The following MICAL3 variants were observed in gnomAD, a reference collection of about 807,000 sequenced individuals.
The protein encoded by MICAL3 is microtubule associated monooxygenase, calponin and LIM domain containing 3.
MICAL3 carries 62 observed loss-of-function variants against 207.4 expected under a neutral mutation model. The observed-to-expected ratio is 0.30, with a 90% CI of 0.24 to 0.37. The LOEUF (loss-of-function observed/expected upper bound fraction) is 0.37. Ranked by LOEUF, MICAL3 falls within the 10% of genes least tolerant of loss-of-function variation. MICAL3 has a pLI of 1.00. For missense variants in MICAL3, 2,368 were observed against 2,635.6 expected (o/e 0.90, Z 2.22); for synonymous variants, 1,077 against 1,069.3 (o/e 1.01, Z -0.14).
At chr22:17,954,924 A>G (rs963705758) in intron 1 of MICAL3, among the ~76,000 whole-genome samples, 2 of 151,956 alleles carry the variant, frequency 1.3e-5, no homozygotes, top group African/African-American at 4.8e-5. Flanking sequence ...CTGTTTCACC[A>G]TGTTGGCTAG....
chr22:17,883,549 G>C (rs1364510433), intron 16 of MICAL3, among the ~76,000 whole-genome samples: 2 of 152,190 alleles, frequency 1.3e-5, no homozygotes, highest in Non-Finnish European at 2.9e-5. Context: ...CAACGAGGTA[G>C]CCAACCCTGG....
At chr22:17,970,639 C>T (rs1256396172) in intron 1 of MICAL3, among the ~76,000 whole-genome samples, 3 of 152,212 alleles carry the variant, frequency 2.0e-5, no homozygotes, top group Admixed American at 2.0e-4. Flanking sequence ...TTCCTATGTT[C>T]CCTCCTCTAA....
At chr22:17,813,927 T>C (rs913106549) in intron 27 of MICAL3, 4 of 152,268 alleles carry the variant, frequency 2.6e-5, no homozygotes, top group African/African-American at 9.6e-5. Flanking sequence ...GCAAGTTCTC[T>C]CTTGTAGGTC....
intron 20 of MICAL3, among the ~76,000 whole-genome samples, chr22:17,836,906 A>G (rs1923448648): frequency 6.6e-6 from 1 of 151,948 alleles, no homozygotes; most frequent in South Asian, 2.1e-4. Flanking sequence ...CGGCCTCCAA[A>G]AGTGCTGGGA....
intron 19 of MICAL3, among the ~76,000 whole-genome samples, chr22:17,856,771 GCCA>G (rs924372556): frequency 1.3e-5 from 2 of 151,902 alleles, no homozygotes; most frequent in Non-Finnish European, 2.9e-5. Context: ...ACAGGCGCCC[GCCA>G]CCGCGCCCAG....
intron 1 of MICAL3, among the ~76,000 whole-genome samples, chr22:17,979,487 G>A (rs1228366820): frequency 6.6e-6 from 1 of 152,234 alleles, no homozygotes; most frequent in African/African-American, 2.4e-5. Flanking sequence ...GAGGGTTGCA[G>A]TGAGCCAAGA....
chr22:17,956,003 T>C (rs1283490222), intron 1 of MICAL3, among the ~76,000 whole-genome samples: 2 of 152,238 alleles, frequency 1.3e-5, no homozygotes, highest in Non-Finnish European at 2.9e-5. Context: ...TATGAATGTT[T>C]ATGAGCACAA....
At chr22:17,876,763 TTA>T (rs1209693754) in intron 16 of MICAL3, 2 of 142,670 alleles carry the variant, frequency 1.4e-5, no homozygotes, top group African/African-American at 5.6e-5. Context: ...GTTAAGGAGG[TTA>T]GGGAAGTTAT....
chr22:18,012,033 A>G (rs1211427176), intron 1 of MICAL3, among the ~76,000 whole-genome samples: 1 of 151,992 alleles, frequency 6.6e-6, no homozygotes, highest in South Asian at 2.1e-4. Flanking sequence ...TCAGGAGTTC[A>G]AGACCAGCCT....
At chr22:17,880,916 G>T (rs1457406604) in intron 16 of MICAL3, among the ~76,000 whole-genome samples, 2 of 152,200 alleles carry the variant, frequency 1.3e-5, no homozygotes, top group African/African-American at 4.8e-5. Context: ...CAGGGCTCCT[G>T]GGCCTCGGAT....
intron 16 of MICAL3, among the ~76,000 whole-genome samples, chr22:17,878,258 G>A (rs1929072360): frequency 6.6e-6 from 1 of 152,210 alleles, no homozygotes. Flanking sequence ...AGTGAAAAGG[G>A]CTGCTTTCCT....
Position 17,865,935 on chromosome 22 carries a change from G to A in MICAL3, c.2506C>T (p.Leu836=). ...AQRKRPAVAP[L]SGKEAKGPLQ... ...AGAGTCACCATTACCTTTCCAGACA[G>A]GGGAGCCACTGCCGGTCTCTTCCTT... Residue 836 remains leucine, a synonymous_variant, in exon 18 of 32, where the codon CTG becomes TTG. Transcript: ENST00000441493. 6.2e-7 allele frequency: 1 copy of A among 1,613,238 alleles called. No homozygotes were observed. Among genetic ancestry groups the A allele is most frequent in the Non-Finnish European group, 8.5e-7 (1 of 1,179,140 alleles).
intron 22 of MICAL3, among the ~76,000 whole-genome samples, chr22:17,826,268 A>AG (rs1159690852): frequency 1.5e-5 from 2 of 135,764 alleles, no homozygotes. Context: ...GCTGCCCTGA[A>AG]GGGGGGGTGT....
At chr22:17,896,225 C>T in intron 9 of MICAL3, 21 bp downstream of exon 9, 1 of 1,439,276 alleles carries the variant, frequency 6.9e-7, no homozygotes, top group African/African-American at 1.4e-5. Flanking sequence ...ATGAAAGGAA[C>T]CCCGGGTTAC....
intron 1 of MICAL3, among the ~76,000 whole-genome samples, chr22:17,907,620 C>T (rs776366775): frequency 1.3e-5 from 2 of 151,988 alleles, no homozygotes; most frequent in African/African-American, 2.4e-5. Context: ...AGGAAGATCA[C>T]GAAAGGAGAG....
At chr22:17,975,106 C>A (rs1206595899) in intron 1 of MICAL3, among the ~76,000 whole-genome samples, 1 of 149,006 alleles carries the variant, frequency 6.7e-6, no homozygotes, top group Non-Finnish European at 1.5e-5. Context: ...AGACTGACTT[C>A]TTTGAAAGAA....
intron 1 of MICAL3, among the ~76,000 whole-genome samples, chr22:18,015,040 G>A (rs1923968039): frequency 6.6e-6 from 1 of 151,904 alleles, no homozygotes; most frequent in East Asian, 1.9e-4. Context: ...TGCTTTTTCA[G>A]AGATAAATTC....
intron 23 of MICAL3, 138 bp from the exon 24 acceptor site, chr22:17,822,308 G>C: frequency 8.8e-7 from 1 of 1,136,904 alleles, no homozygotes; most frequent in South Asian, 1.6e-5. Flanking sequence ...CTTACGCAGG[G>C]ACAGACCTGC....
At chr22:17,923,870 C>T (rs1307291830) in intron 1 of MICAL3, among the ~76,000 whole-genome samples, 1 of 152,242 alleles carries the variant, frequency 6.6e-6, no homozygotes, top group Non-Finnish European at 1.5e-5. Context: ...AAAGACATAT[C>T]TGAGACTGGG....
Sources: allele counts gnomAD v4.1 joint callset (sites outside exome capture counted in the v4.1 genomes callset), GRCh38; gene constraint gnomAD v4.1.1; transcripts MANE v1.5; gene names NCBI Gene and HGNC (gene_info 2026-07-23, HGNC 2026-07-21).